Variants in NOL8 observed in about 807,000 individuals in gnomAD.
The protein encoded by NOL8 is nucleolar protein Nop132.
Under a neutral mutation model 116.1 loss-of-function variants are expected in NOL8, and 93 were observed. That is an observed-to-expected ratio of 0.80 (90% CI 0.68 to 0.95). NOL8 has a LOEUF of 0.95. Among genes scored for constraint, NOL8 ranks in the 40% least tolerant of loss-of-function variants. The pLI is 0.00. For missense variants in NOL8, 1,291 were observed against 1,382.8 expected (o/e 0.93, Z 1.05); for synonymous variants, 419 against 469.0 (o/e 0.89, Z 1.38).
At chr9:92,310,409 G>C (rs1356434152) in intron 9 of NOL8, 144 bp downstream of exon 9, 6 of 1,163,316 alleles carry the variant, frequency 5.2e-6, no homozygotes, top group Non-Finnish European at 6.2e-6. Context: ...ACCAATCAGA[G>C]AGGATCACAG....
intron 6 of NOL8, among the ~76,000 whole-genome samples, chr9:92,317,473 A>G (rs1296352228): frequency 5.3e-5 from 8 of 152,190 alleles, no homozygotes; most frequent in African/African-American, 1.7e-4. Context: ...GGCAGAGGTC[A>G]CAGCTATGTC....
chr9:92,319,356 T>A lies in NOL8; in HGVS notation c.282A>T (p.Arg94Ser). 1 of 1,544,950 alleles carries A rather than the reference T, an allele frequency of 6.5e-7. No individual in the cohort carries two copies. Among genetic ancestry groups the A allele is most frequent in the Non-Finnish European group, 8.7e-7 (1 of 1,155,094 alleles). Residue 94 changes from arginine to serine, a missense_variant and splice_region_variant, in exon 5 of 17, where the codon AGA becomes AGT. By Grantham distance (110) the Arg-to-Ser change is moderately radical. Transcript: ENST00000442668. ...TTGCTGCTTCTCTCTCTTGGGCCAA[T>A]CTGAATCAAAAAGAAAATACAAATA... ...IQLAKESFLHRLAQEREAAKA... is the reference protein window; with the variant it reads ...IQLAKESFLHSLAQEREAAKA...
chr9:92,297,893 A>G lies in NOL8; in HGVS notation c.3454-7T>C. The stretch of plus-strand genomic sequence containing the variant: ...TATGTTTCTTTCGACAATCCTAGGA[A>G]AAAAAAAAGACTTGGTTAGCAATAA... On this transcript the variant is annotated splice_region_variant and splice_polypyrimidine_tract_variant and intron_variant, in intron 16 of 16. Transcript: ENST00000442668. 1 of 1,535,666 alleles carries G rather than the reference A, an allele frequency of 6.5e-7. No homozygotes were observed. Among genetic ancestry groups the G allele is most frequent in the Non-Finnish European group, 8.8e-7 (1 of 1,140,168 alleles).
intron 4 of NOL8, among the ~76,000 whole-genome samples, chr9:92,321,269 G>C (rs2130738621): frequency 1.3e-5 from 2 of 152,244 alleles, no homozygotes; most frequent in South Asian, 4.1e-4. Context: ...TGAAAAAGTA[G>C]AAACAGTCAT....
rs953991579 is a variant in NOL8 at position 92,323,359 on chromosome 9, G to A, written c.202+82C>T. ...GGATAACGTGAAAAATGGCTGTGGA[G>A]GTTTAGATTTAGAACCAGTTATTCC... On this transcript the variant is annotated intron_variant, in intron 3 of 16. Transcript: ENST00000442668. The A allele has an allele frequency of 2.6e-6, 4 of 1,542,312 alleles. No individual in the cohort carries two copies. The East Asian group carries it at 7.3e-5, about 28-fold the overall frequency.
At chr9:92,308,496 A>G (rs939030362) in intron 10 of NOL8, among the ~76,000 whole-genome samples, 6 of 152,256 alleles carry the variant, frequency 3.9e-5, no homozygotes, top group Non-Finnish European at 8.8e-5. Flanking sequence ...CAAACTCAGG[A>G]AAGCCTGTGG....
intron 10 of NOL8, among the ~76,000 whole-genome samples, chr9:92,308,633 T>C (rs1443080857): frequency 6.6e-6 from 1 of 152,174 alleles, no homozygotes; most frequent in Non-Finnish European, 1.5e-5. Flanking sequence ...TACAGAACCC[T>C]GGGAAGAACC....
Position 92,319,369 on chromosome 9 carries a change from G to GA in NOL8, c.282-14dup. 1 of 1,527,598 alleles carries GA rather than the reference G, an allele frequency of 6.5e-7. No individual in the cohort carries two copies. Among genetic ancestry groups the GA allele is most frequent in the Non-Finnish European group, 8.7e-7 (1 of 1,146,140 alleles). 94.6% of individuals were successfully genotyped at this position (1,527,598 alleles called of 1,614,324 possible). On this transcript the variant is annotated splice_polypyrimidine_tract_variant and intron_variant, in intron 4 of 16. Coordinates refer to ENST00000442668, the MANE Select transcript of NOL8 (RefSeq NM_017948.6). ...CTCTTGGGCCAATCTGAATCAAAAA[G>GA]AAAATACAAATAAAAGAGTCAAAAT...
Position 92,324,110 on chromosome 9 carries a change from C to T in NOL8, c.52G>A (p.Asp18Asn). The T allele has an allele frequency of 6.2e-7, 1 of 1,614,012 alleles. No homozygotes were observed. The highest frequency in any genetic ancestry group is 1.1e-5 in the South Asian group (1 of 91,082). ...KRLYVGGLSQDISEADLQNQF... is the reference protein window; with the variant it reads ...KRLYVGGLSQNISEADLQNQF... ...TTTTGTAGGTCTGCCTCAGAAATGT[C>T]CTGGCTAAGGCCACCCACATAAAGG... The change falls in exon 2 of 17, where the codon GAC (aspartate) becomes AAC (asparagine). Residue 18 changes from aspartate (D) to asparagine (N), a missense_variant. By Grantham distance (23) the Asp-to-Asn change is conservative. Coordinates refer to ENST00000442668, the MANE Select transcript of NOL8 (RefSeq NM_017948.6).
intron 7 of NOL8, among the ~76,000 whole-genome samples, chr9:92,313,818 T>G (rs1423389709): frequency 6.6e-6 from 1 of 152,152 alleles, no homozygotes; most frequent in Non-Finnish European, 1.5e-5. Flanking sequence ...CACAACCCCC[T>G]CCTGGCCCTG....
Position 92,306,799 on chromosome 9 carries a change from T to C in NOL8, c.2825+87A>G, listed in dbSNP as rs1291393393. ...ATTGCCAGCTGCCTCCCCAGGCCAT[T>C]AAAAGAGACCTAGTTTTAAATTGAG... On this transcript the variant is annotated intron_variant, in intron 11 of 16. Coordinates refer to ENST00000442668, the MANE Select transcript of NOL8 (RefSeq NM_017948.6). 1.1e-5 allele frequency: 15 copies of C among 1,345,188 alleles called. No individual in the cohort carries two copies. In the East Asian group the frequency reaches 3.2e-4, roughly 29 times the overall value. 83.3% of individuals were successfully genotyped at this position (1,345,188 alleles called of 1,614,324 possible).
At chr9:92,314,072 G>GTATA (rs1374084130) in intron 7 of NOL8, among the ~76,000 whole-genome samples, 195 bp downstream of exon 7, 3 of 152,068 alleles carry the variant, frequency 2.0e-5, no homozygotes, top group Admixed American at 1.3e-4. Flanking sequence ...ACTATACCAG[G>GTATA]TATAGCTTCT....
At chr9:92,303,130 AT>A (rs111238420) in intron 12 of NOL8, among the ~76,000 whole-genome samples, 18 of 148,900 alleles carry the variant, frequency 1.2e-4, no homozygotes, top group South Asian at 2.1e-4. Context: ...AAAGGGAGGA[AT>A]TTTTTTTTTT....
chr9:92,314,545 C>G lies in NOL8; in HGVS notation c.2080G>C (p.Asp694His). 1 of 1,613,480 alleles carries G rather than the reference C, an allele frequency of 6.2e-7. No homozygotes were observed. The highest frequency in any genetic ancestry group is 8.5e-7 in the Non-Finnish European group (1 of 1,179,668). The change falls in exon 7 of 17, where the codon GAC (aspartate) becomes CAC (histidine). Residue 694 changes from aspartate to histidine, a missense_variant. Physicochemically the swap from Asp to His is moderately conservative, Grantham distance 81. Coordinates refer to ENST00000442668, the MANE Select transcript of NOL8 (RefSeq NM_017948.6). ...GTGGTACTATGGCAGCTGTCTTTGTCAAAGCCTATGTTGTGAGTCTTTGCA... is the reference window on the plus strand; with the variant it reads ...GTGGTACTATGGCAGCTGTCTTTGTGAAAGCCTATGTTGTGAGTCTTTGCA... ...LSAKTHNIGF[D>H]KDSCHSTTKT...
intron 3 of NOL8, among the ~76,000 whole-genome samples, chr9:92,322,278 T>C (rs1177265613): frequency 6.6e-6 from 1 of 152,226 alleles, no homozygotes; most frequent in Non-Finnish European, 1.5e-5. Flanking sequence ...GCCGTAGTAA[T>C]TGATTTCTCT....
At chr9:92,306,310 C>G (rs974295153) in intron 11 of NOL8, among the ~76,000 whole-genome samples, 6 of 152,196 alleles carry the variant, frequency 3.9e-5, no homozygotes, top group Non-Finnish European at 8.8e-5. Context: ...ATATTTTAAA[C>G]TACCTACTTT....
chr9:92,315,322 C>T lies in NOL8; in HGVS notation c.1303G>A (p.Glu435Lys), dbSNP rs201001874. 2.0e-4 allele frequency: 326 copies of T among 1,613,724 alleles called. No homozygotes were observed. In the African/African-American group the frequency reaches 4.0e-3, roughly 20 times the overall value. The change falls in exon 7 of 17, where the codon GAG becomes AAG. Residue 435 changes from glutamate to lysine, a missense_variant. Glu to Lys is a moderately conservative substitution (Grantham distance 56). Transcript: ENST00000442668. Reference sequence around the variant, plus strand: ...TTTAATCCATGACTGAGGGCTGACTCTACATTGCTTTTTCTTTTTTGTAGT... The same window carrying T: ...TTTAATCCATGACTGAGGGCTGACTTTACATTGCTTTTTCTTTTTTGTAGT... The part of the protein sequence containing the change: ...IKLQKRKSNV[E>K]SALSHGLKSL...
intron 13 of NOL8, among the ~76,000 whole-genome samples, chr9:92,301,273 A>G (rs939106702): frequency 1.3e-5 from 2 of 152,206 alleles, no homozygotes; most frequent in Non-Finnish European, 2.9e-5. Context: ...ATACTTCTTC[A>G]TGACGTTTTA....
intron 13 of NOL8, chr9:92,300,677 A>G: frequency 5.6e-6 from 6 of 1,066,080 alleles, no homozygotes; most frequent in Non-Finnish European, 6.9e-6. Flanking sequence ...AAGAAAATGA[A>G]GTCTTATTTG....
Sources: gnomAD v4.1 joint callset for allele counts (sites outside exome capture counted in the v4.1 genomes callset) on GRCh38, gnomAD v4.1.1 for gene constraint, MANE v1.5 for transcripts, NCBI Gene and HGNC (gene_info 2026-07-23, HGNC 2026-07-21) for gene names.